ANGPT1: variants seen among roughly 807,000 people sequenced by gnomAD.
ANGPT1 encodes the protein angiopoietin-1.
A neutral mutation model predicts 62.2 loss-of-function variants in ANGPT1; 17 were observed. That is an observed-to-expected ratio of 0.27 (90% CI 0.19 to 0.41). ANGPT1 has a LOEUF of 0.41. Ranked by LOEUF, ANGPT1 falls within the 10% of genes least tolerant of loss-of-function variation. ANGPT1 has a pLI of 1.00. For missense variants in ANGPT1, 478 were observed against 594.9 expected (o/e 0.80, Z 2.04); for synonymous variants, 199 against 198.9 (o/e 1.00, Z 0.00).
chr8:107,367,005 C>A (rs1166787254), intron 1 of ANGPT1, among the ~76,000 whole-genome samples: 1 of 152,074 alleles, frequency 6.6e-6, no homozygotes, highest in African/African-American at 2.4e-5. Context: ...GGGGAATAGA[C>A]CCTGCAGCCC....
intron 1 of ANGPT1, among the ~76,000 whole-genome samples, chr8:107,440,402 G>C (rs1363275665): frequency 1.3e-5 from 2 of 152,074 alleles, no homozygotes; most frequent in Non-Finnish European, 1.5e-5. Flanking sequence ...TAGTTTATAG[G>C]CAGGTAGCAG....
intron 1 of ANGPT1, among the ~76,000 whole-genome samples, chr8:107,471,956 G>T (rs1812369465): frequency 6.6e-6 from 1 of 151,678 alleles, no homozygotes; most frequent in East Asian, 1.9e-4. Flanking sequence ...GTTATTTTTT[G>T]GTCCATAATC....
chr8:107,475,236 G>C (rs1812485420), intron 1 of ANGPT1, among the ~76,000 whole-genome samples: 1 of 151,450 alleles, frequency 6.6e-6, no homozygotes, highest in African/African-American at 2.5e-5. Flanking sequence ...CCAAAACAGA[G>C]ATATAGGCCA....
rs540202660 is a variant in ANGPT1 at position 107,382,851 on chromosome 8, A to G, written c.298-35754T>C. 2.6e-5 allele frequency among the ~76,000 whole-genome samples: 4 copies of G among 152,292 alleles called. No homozygotes were observed. The South Asian group carries it at 8.3e-4, about 32-fold the overall frequency. On this transcript the variant is annotated intron_variant, in intron 1 of 8. Transcript: ENST00000517746. ...AGTTCAAGCTCCTTTCTTCTACACTAAAATACAACTTATGAATTTGCCTGT... is the reference window on the plus strand; with the variant it reads ...AGTTCAAGCTCCTTTCTTCTACACTGAAATACAACTTATGAATTTGCCTGT...
chr8:107,336,060 C>G, intron 3 of ANGPT1, 90 bp downstream of exon 3: 1 of 1,310,040 alleles, frequency 7.6e-7, no homozygotes, highest in African/African-American at 1.5e-5. Context: ...TTGTAAACCA[C>G]CTCAACCTTA....
rs529051336 is a variant in ANGPT1, at chr8:107,405,955, A to G, written c.298-58858T>C. ...TTTTGAAGTCTTACAACTTCAACTCATATTTTAAACTGTGTGTTTGGGTGT... is the reference window on the plus strand; with the variant it reads ...TTTTGAAGTCTTACAACTTCAACTCGTATTTTAAACTGTGTGTTTGGGTGT... On this transcript the variant is annotated intron_variant, in intron 1 of 8. Transcript: ENST00000517746. Among the ~76,000 whole-genome samples the G allele has an allele frequency of 3.3e-5, 5 of 152,020 alleles. No homozygotes were observed. The South Asian group carries it at 1.0e-3, about 32-fold the overall frequency.
At chr8:107,393,716 G>A (rs971931312) in intron 1 of ANGPT1, among the ~76,000 whole-genome samples, 7 of 152,162 alleles carry the variant, frequency 4.6e-5, no homozygotes, top group Admixed American at 6.5e-5. Context: ...AGGCTGAGAC[G>A]AGAGAATCAC....
intron 1 of ANGPT1, among the ~76,000 whole-genome samples, chr8:107,436,677 T>C (rs1190078237): frequency 2.0e-5 from 3 of 152,218 alleles, no homozygotes. Flanking sequence ...TCACTAATGA[T>C]GTTGTTAAAC....
At chr8:107,496,038 CAGGCAATGACCTA>C (rs1384870356) in intron 1 of ANGPT1, among the ~76,000 whole-genome samples, 9 of 152,202 alleles carry the variant, frequency 5.9e-5, no homozygotes, top group Non-Finnish European at 1.3e-4. Flanking sequence ...CATGATTCAG[CAGGCAATGACCTA>C]AGTGAGTGTG....
chr8:107,429,847 A>C (rs1295063028), intron 1 of ANGPT1, among the ~76,000 whole-genome samples: 2 of 137,462 alleles, frequency 1.5e-5, no homozygotes, highest in Non-Finnish European at 3.3e-5. Context: ...TTGTTTTAGG[A>C]CACTCTGACA....
Position 107,324,735 on chromosome 8 carries a change from A to C in ANGPT1, c.576-2607T>G, listed in dbSNP as rs75381156. Among the ~76,000 whole-genome samples the C allele has an allele frequency of 2.8e-3, 430 of 152,314 alleles. 17 individuals are homozygous for C. The East Asian group carries it at 0.074, about 26-fold the overall frequency. On this transcript the variant is annotated intron_variant, in intron 3 of 8. Transcript: ENST00000517746. ...AGCCTGAAAAATACCTGAGGCTGCT[A>C]AGACTCTACTAATTTATAATACCTT...
intron 1 of ANGPT1, among the ~76,000 whole-genome samples, chr8:107,482,327 G>A (rs11776085): frequency 0.053 from 7,999 of 152,144 alleles, 242 homozygotes; most frequent in South Asian, 0.11. Context: ...AACCTTTTCC[G>A]AATCTAGAGA....
intron 4 of ANGPT1, among the ~76,000 whole-genome samples, chr8:107,316,302 G>A (rs1014374036): frequency 2.6e-5 from 4 of 152,064 alleles, no homozygotes; most frequent in Non-Finnish European, 4.4e-5. Flanking sequence ...ATGGTGCAGC[G>A]TGTAATGTAC....
chr8:107,363,233 T>C (rs539137727), intron 1 of ANGPT1, among the ~76,000 whole-genome samples: 6 of 152,288 alleles, frequency 3.9e-5, no homozygotes, highest in African/African-American at 1.2e-4. Flanking sequence ...AATGATCAAA[T>C]GAAATAATAC....
intron 1 of ANGPT1, among the ~76,000 whole-genome samples, chr8:107,418,242 A>G (rs973718507): frequency 1.3e-5 from 2 of 152,204 alleles, no homozygotes; most frequent in African/African-American, 2.4e-5. Flanking sequence ...TATCTTCTCT[A>G]GATAAACCCC....
At chr8:107,362,916 A>G (rs1816195325) in intron 1 of ANGPT1, among the ~76,000 whole-genome samples, 1 of 152,126 alleles carries the variant, frequency 6.6e-6, no homozygotes, top group African/African-American at 2.4e-5. Context: ...CAGTTGTAAG[A>G]ATTTCTCATA....
chr8:107,370,058 C>T (rs1197495276), intron 1 of ANGPT1, among the ~76,000 whole-genome samples: 1 of 150,928 alleles, frequency 6.6e-6, no homozygotes, highest in Non-Finnish European at 1.5e-5. Flanking sequence ...ATTGATTGAG[C>T]CATGGGAAAG....
intron 1 of ANGPT1, among the ~76,000 whole-genome samples, chr8:107,377,283 T>C (rs1816548084): frequency 1.3e-5 from 2 of 152,218 alleles, no homozygotes; most frequent in East Asian, 3.9e-4. Flanking sequence ...ATAATAAACA[T>C]ACTGGACATT....
chr8:107,461,391 A>G (rs554270105), intron 1 of ANGPT1, among the ~76,000 whole-genome samples: 3 of 152,176 alleles, frequency 2.0e-5, no homozygotes, highest in Non-Finnish European at 4.4e-5. Flanking sequence ...GTATTTCTTT[A>G]TACCTCTTAA....
Sources: allele counts gnomAD v4.1 joint callset (sites outside exome capture counted in the v4.1 genomes callset), GRCh38; gene constraint gnomAD v4.1.1; transcripts MANE v1.5; gene names NCBI Gene and HGNC (gene_info 2026-07-23, HGNC 2026-07-21).